Variants in LUZP2 observed in about 807,000 individuals in gnomAD.
LUZP2 encodes leucine zipper protein 2.
A neutral mutation model predicts 51.6 loss-of-function variants in LUZP2; 52 were observed. That is an observed-to-expected ratio of 1.01 (90% CI 0.81 to 1.27). The LOEUF is 1.27. LUZP2 is among the 50% of genes most tolerant of loss of function. The probability of loss-of-function intolerance (pLI) is 0.00; values close to 1 mark genes in which losing one functional copy is unlikely to be tolerated. For synonymous variants in LUZP2, 154 were observed against 137.3 expected (o/e 1.12, Z -0.85); for missense variants, 436 against 395.4 (o/e 1.10, Z -0.87).
At chr11:24,667,696 T>C (rs1164196644) in intron 1 of LUZP2, among the ~76,000 whole-genome samples, 1 of 152,084 alleles carries the variant, frequency 6.6e-6, no homozygotes, top group Non-Finnish European at 1.5e-5. Flanking sequence ...TGAGCAAATA[T>C]AGCAAGTGAT....
chr11:25,013,013 G>T (rs774427101), intron 9 of LUZP2, among the ~76,000 whole-genome samples: 2 of 152,012 alleles, frequency 1.3e-5, no homozygotes, highest in Non-Finnish European at 2.9e-5. Flanking sequence ...AATGTACTAG[G>T]TATACCCAAA....
rs748110770 is a variant in LUZP2 at position 24,833,708 on chromosome 11, G to GCACACA, written c.396+70401_396+70402insACACAC. Among the ~76,000 whole-genome samples, 1,085 of 130,610 alleles carry GCACACA rather than the reference G, an allele frequency of 8.3e-3. 8 individuals carry two copies. Among genetic ancestry groups the GCACACA allele is most frequent in the Non-Finnish European group, 0.014 (849 of 62,066 alleles). 85.7% of individuals were successfully genotyped at this position (130,610 alleles called of 152,430 possible). The stretch of plus-strand genomic sequence containing the variant: ...ACGTCCCCCACGCCTGCCACCGCGC[G>GCACACA]CGCGCACACACACACACACACACTT... On this transcript the variant is annotated intron_variant, in intron 5 of 11. Transcript: ENST00000336930.
At chr11:24,777,858 A>G (rs1848981831) in intron 5 of LUZP2, among the ~76,000 whole-genome samples, 1 of 152,090 alleles carries the variant, frequency 6.6e-6, no homozygotes, top group Non-Finnish European at 1.5e-5. Context: ...CTCTCCCGTT[A>G]ATACATTTTA....
chr11:24,996,562 CT>C (rs1325892720), intron 9 of LUZP2, among the ~76,000 whole-genome samples: 4 of 147,494 alleles, frequency 2.7e-5, no homozygotes, highest in Admixed American at 1.3e-4. Context: ...TATTATTTTT[CT>C]TTTTTCTTTT....
At chr11:24,703,118 A>G (rs1857465501) in intron 1 of LUZP2, among the ~76,000 whole-genome samples, 1 of 152,164 alleles carries the variant, frequency 6.6e-6, no homozygotes, top group Non-Finnish European at 1.5e-5. Context: ...TGAAAAGACA[A>G]AATACATTAT....
intron 5 of LUZP2, among the ~76,000 whole-genome samples, chr11:24,854,505 G>A (rs1851493070): frequency 6.6e-6 from 1 of 152,168 alleles, no homozygotes. Context: ...TCTTCAGACT[G>A]TTGTGCTGGC....
At chr11:24,546,414 G>A (rs1851544921) in intron 1 of LUZP2, among the ~76,000 whole-genome samples, 1 of 151,990 alleles carries the variant, frequency 6.6e-6, no homozygotes, top group Non-Finnish European at 1.5e-5. Context: ...GGATGACTGT[G>A]GGTTTGCCAT....
intron 1 of LUZP2, among the ~76,000 whole-genome samples, chr11:24,518,095 TCA>T (rs1850535748): frequency 6.6e-6 from 1 of 152,144 alleles, no homozygotes; most frequent in Non-Finnish European, 1.5e-5. Context: ...CTATAATTAA[TCA>T]GCTGTTATTA....
intron 1 of LUZP2, among the ~76,000 whole-genome samples, chr11:24,523,152 C>T (rs1426843433): frequency 2.0e-5 from 3 of 151,968 alleles, no homozygotes; most frequent in African/African-American, 7.2e-5. Flanking sequence ...CTGGAATGTG[C>T]TTTTATTATA....
chr11:24,728,090 C>T (rs1202935316), intron 1 of LUZP2, among the ~76,000 whole-genome samples: 3 of 151,962 alleles, frequency 2.0e-5, no homozygotes, highest in African/African-American at 7.2e-5. Flanking sequence ...TTAACTGTTA[C>T]ATTTTACAGA....
intron 1 of LUZP2, among the ~76,000 whole-genome samples, chr11:24,658,805 C>G (rs1236577882): frequency 1.3e-5 from 2 of 152,238 alleles, no homozygotes; most frequent in South Asian, 2.1e-4. Context: ...ATGCAGCAAA[C>G]AGACACATGA....
chr11:24,593,911 C>T (rs1199220391), intron 1 of LUZP2, among the ~76,000 whole-genome samples: 1 of 152,080 alleles, frequency 6.6e-6, no homozygotes, highest in Non-Finnish European at 1.5e-5. Context: ...TTGTGGCCAC[C>T]TTTGGAAGAC....
chr11:24,697,750 C>T (rs2133901990), intron 1 of LUZP2, among the ~76,000 whole-genome samples: 1 of 152,252 alleles, frequency 6.6e-6, no homozygotes, highest in Admixed American at 6.5e-5. Flanking sequence ...TCTTACTGCT[C>T]CAGAGTCATG....
At chr11:25,010,356 C>T (rs1266010084) in intron 9 of LUZP2, among the ~76,000 whole-genome samples, 4 of 150,090 alleles carry the variant, frequency 2.7e-5, no homozygotes, top group Non-Finnish European at 5.9e-5. Flanking sequence ...GAGTTTGAGA[C>T]CAGCCTGGCC....
intron 9 of LUZP2, among the ~76,000 whole-genome samples, chr11:25,009,294 C>T (rs1046889587): frequency 6.6e-6 from 1 of 152,086 alleles, no homozygotes; most frequent in Non-Finnish European, 1.5e-5. Context: ...ACTTAAACTT[C>T]AGCAAAAATG....
intron 7 of LUZP2, among the ~76,000 whole-genome samples, chr11:24,969,406 C>T (rs1038040976): frequency 6.6e-6 from 1 of 152,044 alleles, no homozygotes; most frequent in Non-Finnish European, 1.5e-5. Flanking sequence ...TGATTTCAGG[C>T]ATGGTTTGAA....
At chr11:24,892,092 C>T (rs566634654) in intron 5 of LUZP2, 92 of 985,386 alleles carry the variant, frequency 9.3e-5, no homozygotes, top group Admixed American at 4.3e-4. Flanking sequence ...CATGGTCACT[C>T]GTGACTTACT....
At chr11:24,897,890 C>T (rs1281984871) in intron 5 of LUZP2, among the ~76,000 whole-genome samples, 1 of 151,968 alleles carries the variant, frequency 6.6e-6, no homozygotes, top group Non-Finnish European at 1.5e-5. Flanking sequence ...TTCCTTTTGC[C>T]TTGCCTTTAA....
chr11:24,498,522 C>T (rs985465546), intron 1 of LUZP2, among the ~76,000 whole-genome samples: 1 of 152,098 alleles, frequency 6.6e-6, no homozygotes, highest in African/African-American at 2.4e-5. Flanking sequence ...CAAACAAAGC[C>T]CAGGTGACTT....
Sources: gnomAD v4.1 joint callset for allele counts (sites outside exome capture counted in the v4.1 genomes callset) on GRCh38, gnomAD v4.1.1 for gene constraint, MANE v1.5 for transcripts, NCBI Gene and HGNC (gene_info 2026-07-23, HGNC 2026-07-21) for gene names.